Variants in BUB1B observed in about 807,000 individuals in gnomAD.
The protein encoded by BUB1B is mitotic checkpoint serine/threonine-protein kinase BUB1 beta.
Under a neutral mutation model 137.7 loss-of-function variants are expected in BUB1B, and 86 were observed. The ratio of observed to expected loss-of-function variants is 0.62; its 90% CI spans 0.52 to 0.75. The LOEUF is 0.75. Ranked by LOEUF, BUB1B falls within the 30% of genes least tolerant of loss-of-function variation. The probability of loss-of-function intolerance (pLI) is 0.00; values close to 1 mark genes in which losing one functional copy is unlikely to be tolerated. For synonymous variants in BUB1B, 420 were observed against 417.9 expected, an observed-to-expected ratio of 1.00 and a Z score of -0.06; for missense variants, 1,130 against 1,236.9, an observed-to-expected ratio of 0.91 and a Z score of 1.30.
At chr15:40,219,113 C>T (rs1057337331) in intron 22 of BUB1B, among the ~76,000 whole-genome samples, 25 of 151,972 alleles carry the variant, frequency 1.6e-4, no homozygotes, top group African/African-American at 5.6e-4. Context: ...GGTTTCACTA[C>T]GTTGGCCAGG....
chr15:40,193,040 G>A (rs1393969913), intron 8 of BUB1B, among the ~76,000 whole-genome samples: 1 of 151,686 alleles, frequency 6.6e-6, no homozygotes, highest in African/African-American at 2.4e-5. Context: ...TTTAAAGATG[G>A]GGTCTCACTG....
intron 9 of BUB1B, 28 bp from the exon 10 acceptor site, chr15:40,199,587 A>C: frequency 6.3e-7 from 1 of 1,582,254 alleles, no homozygotes; most frequent in Non-Finnish European, 8.7e-7. Context: ...ATGAGGAATA[A>C]TACCTCAAGC....
At chr15:40,174,009 G>A in intron 4 of BUB1B, 1 of 407,844 alleles carries the variant, frequency 2.5e-6, no homozygotes, top group Non-Finnish European at 4.7e-6. Context: ...GGCAATTTAA[G>A]GGTTACCAAA....
At chr15:40,196,824 G>A in intron 9 of BUB1B, 50 bp downstream of exon 9, 1 of 1,541,672 alleles carries the variant, frequency 6.5e-7, no homozygotes, top group Non-Finnish European at 9.0e-7. Flanking sequence ...TTGTGTGAAG[G>A]TTGAGCTGAC....
chr15:40,202,561 T>C (rs2037586378), intron 13 of BUB1B, 28 bp from the exon 14 acceptor site: 2 of 1,607,074 alleles, frequency 1.2e-6, no homozygotes, highest in African/African-American at 1.3e-5. Flanking sequence ...ATGAAAAAAA[T>C]TGCTAAGTGA....
chr15:40,171,989 A>G (rs2140882625), intron 4 of BUB1B, among the ~76,000 whole-genome samples: 1 of 152,242 alleles, frequency 6.6e-6, no homozygotes, highest in East Asian at 1.9e-4. Context: ...ATGATGAAAT[A>G]TTGACATTAA....
chr15:40,177,512 G>T (rs1034882000), intron 5 of BUB1B, among the ~76,000 whole-genome samples: 1 of 151,852 alleles, frequency 6.6e-6, no homozygotes, highest in Non-Finnish European at 1.5e-5. Context: ...TTTATACCTT[G>T]ATTTTTAAAA....
At position 40,200,333 on chromosome 15, in the gene BUB1B, T is replaced by C; in HGVS notation, c.1491T>C (p.Ser497=). ...TACCAGGAATGACTCTATCCAGTTC[T>C]GTTTGTCAAGTAAACTGTTGTGCCA... is the stretch of plus-strand genomic sequence containing the variant. ...QKIPGMTLSS[S]VCQVNCCARE... Residue 497 remains serine (S), a synonymous_variant, in exon 11 of 23, where the codon TCT becomes TCC. Transcript: ENST00000287598. The C allele has an allele frequency of 1.2e-6, 2 of 1,613,908 alleles. No individual in the cohort carries two copies. The highest frequency in any genetic ancestry group is 1.7e-6 in the Non-Finnish European group (2 of 1,179,818).
intron 22 of BUB1B, among the ~76,000 whole-genome samples, chr15:40,219,529 G>C (rs965147173): frequency 2.0e-5 from 3 of 152,050 alleles, no homozygotes; most frequent in Non-Finnish European, 2.9e-5. Context: ...AGCAGCCTGG[G>C]CAACATGGCG....
Position 40,218,459 on chromosome 15 carries a change from G to T in BUB1B, c.2854G>T (p.Asp952Tyr). ...ATGGTGCTTTTTGTGATTTCAGGTA[G>T]ACCTGTTTGGTATAGCAGATTTAGC... is the stretch of plus-strand genomic sequence containing the variant. ...LANCSSPYQVDLFGIADLAHL... is the reference protein window; with the variant it reads ...LANCSSPYQVYLFGIADLAHL... The change falls in exon 22 of 23, where the codon GAC becomes TAC. Residue 952 changes from aspartate (D) to tyrosine (Y), a missense_variant. Physicochemically the swap from Asp to Tyr is radical, Grantham distance 160 (BLOSUM62 -3). Coordinates refer to ENST00000287598, the MANE Select transcript of BUB1B (RefSeq NM_001211.6). 1 of 1,611,374 alleles carries T rather than the reference G, an allele frequency of 6.2e-7. No individual in the cohort carries two copies. Among genetic ancestry groups the T allele is most frequent in the South Asian group, 1.1e-5 (1 of 90,856 alleles).
intron 20 of BUB1B, among the ~76,000 whole-genome samples, chr15:40,216,331 G>A (rs1357817971): frequency 2.0e-5 from 3 of 151,702 alleles, no homozygotes; most frequent in South Asian, 2.1e-4. Flanking sequence ...CCAGCTACTC[G>A]GGAGGCTGAG....
chr15:40,196,834 C>G (rs2037505051), intron 9 of BUB1B, 60 bp downstream of exon 9: 2 of 1,469,366 alleles, frequency 1.4e-6, no homozygotes, highest in South Asian at 2.3e-5. Flanking sequence ...GTTGAGCTGA[C>G]CTATTAAGTC....
chr15:40,163,456 A>T (rs997391765), intron 1 of BUB1B, among the ~76,000 whole-genome samples: 7 of 152,180 alleles, frequency 4.6e-5, no homozygotes, highest in African/African-American at 1.7e-4. Flanking sequence ...TAAATGCATG[A>T]CAATAAACAA....
intron 15 of BUB1B, among the ~76,000 whole-genome samples, chr15:40,207,189 T>C (rs1024399985): frequency 6.6e-6 from 1 of 152,222 alleles, no homozygotes; most frequent in African/African-American, 2.4e-5. Context: ...GGAAATGAAC[T>C]ATGGAATAGA....
In BUB1B at chr15:40,176,522, A is replaced by G. The variant is rs2037225429; in HGVS notation, c.430A>G (p.Asn144Asp). ...EPLDMYSYLH[N>D]QGIGVSLAQF... ...TTTGGATATGTACAGTTACTTGCAC[A>G]ACCAAGGGATTGGTGTTTCACTTGC... Residue 144 changes from asparagine (N) to aspartate (D), a missense_variant, in exon 5 of 23, where the codon AAC becomes GAC. Physicochemically the swap from Asn to Asp is conservative, Grantham distance 23. Coordinates refer to ENST00000287598, the MANE Select transcript of BUB1B (RefSeq NM_001211.6). 6.2e-7 allele frequency: 1 copy of G among 1,614,062 alleles called. No individual in the cohort carries two copies.
chr15:40,171,269 T>C (rs1448602536), intron 4 of BUB1B, among the ~76,000 whole-genome samples: 1 of 152,084 alleles, frequency 6.6e-6, no homozygotes, highest in Non-Finnish European at 1.5e-5. Flanking sequence ...TAAACATAAC[T>C]GGGTGCAGTG....
chr15:40,184,477 A>G (rs1234003495), intron 6 of BUB1B, among the ~76,000 whole-genome samples: 1 of 152,118 alleles, frequency 6.6e-6, no homozygotes, highest in East Asian at 1.9e-4. Flanking sequence ...GACAACACTG[A>G]CTATTTTTTA....
intron 2 of BUB1B, chr15:40,166,283 G>A: frequency 2.6e-6 from 1 of 386,972 alleles, no homozygotes; most frequent in Non-Finnish European, 4.9e-6. Flanking sequence ...TATAAATAAT[G>A]TTGCTATGGA....
intron 4 of BUB1B, among the ~76,000 whole-genome samples, chr15:40,175,062 G>A (rs1019419156): frequency 2.6e-5 from 4 of 152,156 alleles, no homozygotes; most frequent in African/African-American, 9.7e-5. Flanking sequence ...GTATTTTTGC[G>A]AATTATTAAA....
Sources: allele counts gnomAD v4.1 joint callset (sites outside exome capture counted in the v4.1 genomes callset), GRCh38; gene constraint gnomAD v4.1.1; transcripts MANE v1.5; gene names NCBI Gene and HGNC (gene_info 2026-07-23, HGNC 2026-07-21).